FGF12: variants seen among roughly 807,000 people sequenced by gnomAD.
The protein encoded by FGF12 is fibroblast growth factor 12B.
In FGF12, 14 loss-of-function variants were observed where a neutral mutation model predicts 23.6. The observed-to-expected ratio is 0.59, with a 90% CI of 0.39 to 0.93. The LOEUF is 0.93. Among genes scored for constraint, FGF12 ranks in the 40% least tolerant of loss-of-function variants. The probability of loss-of-function intolerance (pLI) is 0.00; values close to 1 mark genes in which losing one functional copy is unlikely to be tolerated. For synonymous variants in FGF12, 62 were observed against 77.3 expected (o/e 0.80, Z 1.04); for missense variants, 175 against 217.8 (o/e 0.80, Z 1.24).
At chr3:192,459,629 T>C (rs1178284641) in intron 2 of FGF12, among the ~76,000 whole-genome samples, 2 of 152,198 alleles carry the variant, frequency 1.3e-5, no homozygotes, top group African/African-American at 4.8e-5. Flanking sequence ...TTTGGGCACA[T>C]TGCATACATT....
At chr3:192,716,898 A>C (rs1474449322) in intron 2 of FGF12, among the ~76,000 whole-genome samples, 5 of 152,234 alleles carry the variant, frequency 3.3e-5, no homozygotes, top group Non-Finnish European at 1.5e-5. Context: ...TGAGCTGCCC[A>C]GGTAAACAGA....
intron 2 of FGF12, among the ~76,000 whole-genome samples, chr3:192,635,641 T>C (rs1357746424): frequency 1.3e-5 from 2 of 152,198 alleles, no homozygotes; most frequent in Non-Finnish European, 2.9e-5. Flanking sequence ...GAGAAAACAA[T>C]CAGTTATTTG....
At chr3:192,397,476 C>T (rs1424593994) in intron 2 of FGF12, among the ~76,000 whole-genome samples, 1 of 152,204 alleles carries the variant, frequency 6.6e-6, no homozygotes, top group African/African-American at 2.4e-5. Context: ...ATCTCTTCTT[C>T]TCCTAGCTAG....
intron 4 of FGF12, among the ~76,000 whole-genome samples, chr3:192,202,822 AG>A (rs1219607867): frequency 1.3e-5 from 2 of 152,234 alleles, no homozygotes; most frequent in African/African-American, 2.4e-5. Context: ...CAACTTAAAA[AG>A]TGCTATAACA....
At chr3:192,504,628 T>G (rs1407943064) in intron 2 of FGF12, among the ~76,000 whole-genome samples, 2 of 152,210 alleles carry the variant, frequency 1.3e-5, no homozygotes, top group South Asian at 2.1e-4. Flanking sequence ...GGCCACAGGC[T>G]GGACACATCC....
At chr3:192,544,305 G>A (rs1725443110) in intron 2 of FGF12, among the ~76,000 whole-genome samples, 1 of 152,104 alleles carries the variant, frequency 6.6e-6, no homozygotes, top group Admixed American at 6.5e-5. Flanking sequence ...ACCCTCTTCA[G>A]TGCCTCTTTA....
In FGF12 at chr3:192,336,743, C is replaced by T. The variant is rs529046021; in HGVS notation, c.125-1279G>A. ...CAAGGGCTACCATTATTTAGGGATG[C>T]CTCTATTTTTCTCGGCTTCTCTCAA... On this transcript the variant is annotated intron_variant, in intron 3 of 5. Transcript: ENST00000445105. This position sits in a 1 kb window ranked among gnomAD's most constrained non-coding sequence, Gnocchi z 4.3. Among the ~76,000 whole-genome samples, 1 of 151,996 alleles carries T rather than the reference C, an allele frequency of 6.6e-6. No individual in the cohort carries two copies. Among genetic ancestry groups the T allele is most frequent in the Admixed American group, 6.6e-5 (1 of 15,236 alleles).
intron 3 of FGF12, among the ~76,000 whole-genome samples, chr3:192,354,912 C>G (rs1401611109): frequency 6.6e-6 from 1 of 152,122 alleles, no homozygotes; most frequent in East Asian, 1.9e-4. Context: ...TTTCACCATG[C>G]TGGCCATAGC....
At chr3:192,218,849 G>C (rs2108570658) in intron 4 of FGF12, among the ~76,000 whole-genome samples, 1 of 152,222 alleles carries the variant, frequency 6.6e-6, no homozygotes, top group East Asian at 1.9e-4. Context: ...TTGATTGCTA[G>C]ATTTGCTCCA....
intron 4 of FGF12, among the ~76,000 whole-genome samples, chr3:192,212,399 G>A (rs2169243): frequency 0.4 from 59,878 of 151,112 alleles, 12,703 homozygotes; most frequent in East Asian, 0.89. Context: ...TTAGTTTCAG[G>A]AAAAAAAAAT....
intron 5 of FGF12, among the ~76,000 whole-genome samples, chr3:192,168,557 T>C (rs1715358367): frequency 6.6e-6 from 1 of 152,222 alleles, no homozygotes; most frequent in Admixed American, 6.5e-5. Flanking sequence ...ATATATTGCA[T>C]CACTTAACAT....
At chr3:192,477,646 AG>A (rs1269609412) in intron 2 of FGF12, among the ~76,000 whole-genome samples, 4 of 152,184 alleles carry the variant, frequency 2.6e-5, no homozygotes, top group Non-Finnish European at 5.9e-5. Context: ...GGGAGTGGAG[AG>A]AGGGGAAGAG....
intron 2 of FGF12, among the ~76,000 whole-genome samples, chr3:192,527,375 A>T (rs1054786948): frequency 1.3e-5 from 2 of 152,244 alleles, no homozygotes; most frequent in African/African-American, 2.4e-5. Flanking sequence ...AGACCAACAG[A>T]CAAAGACCTG....
chr3:192,392,934 G>T (rs1042741259), intron 2 of FGF12, among the ~76,000 whole-genome samples: 1 of 152,136 alleles, frequency 6.6e-6, no homozygotes, highest in African/African-American at 2.4e-5. Flanking sequence ...ATGTTAATGG[G>T]GTATAGGTTT....
intron 4 of FGF12, among the ~76,000 whole-genome samples, chr3:192,221,044 G>T (rs1359191239): frequency 6.6e-6 from 1 of 152,188 alleles, no homozygotes; most frequent in African/African-American, 2.4e-5. Context: ...TGAGAGGATG[G>T]TTTAAAGGGA....
chr3:192,429,704 A>G (rs999177018), intron 2 of FGF12, among the ~76,000 whole-genome samples: 4 of 152,162 alleles, frequency 2.6e-5, no homozygotes, highest in Non-Finnish European at 4.4e-5. Flanking sequence ...GGGTTGTACT[A>G]TACATTGGTG....
At chr3:192,402,388 G>C (rs1720802045) in intron 2 of FGF12, among the ~76,000 whole-genome samples, 2 of 152,200 alleles carry the variant, frequency 1.3e-5, no homozygotes, top group African/African-American at 4.8e-5. Flanking sequence ...CTTCAGTCCT[G>C]CCCTGAAGAT....
intron 2 of FGF12, among the ~76,000 whole-genome samples, chr3:192,550,744 C>T (rs955416415): frequency 3.9e-5 from 6 of 151,960 alleles, no homozygotes; most frequent in Non-Finnish European, 8.8e-5. Context: ...ATTTCTGATA[C>T]ATAACCAAAG....
At chr3:192,642,382 C>G (rs1271531266) in intron 2 of FGF12, among the ~76,000 whole-genome samples, 1 of 152,120 alleles carries the variant, frequency 6.6e-6, no homozygotes, top group Non-Finnish European at 1.5e-5. Context: ...CCTAAGAGAA[C>G]AGCACTCCAC....
Sources: gnomAD v4.1 joint callset for allele counts (sites outside exome capture counted in the v4.1 genomes callset) on GRCh38, gnomAD v4.1.1 for gene constraint, Gnocchi (gnomAD v3.1) non-coding constraint, MANE v1.5 for transcripts, NCBI Gene and HGNC (gene_info 2026-07-23, HGNC 2026-07-21) for gene names.